Variants in REDIC1 observed in about 807,000 individuals in gnomAD.
REDIC1 encodes HEI10 Interacting Protein 1.
the REDIC1 span, among the ~76,000 whole-genome samples, chr12:39,878,400 T>C: frequency 6.6e-6 from 1 of 152,244 alleles, no homozygotes; most frequent in Non-Finnish European, 1.5e-5. Flanking sequence ...GATAGTGATA[T>C]GGACGGTGAA....
the REDIC1 span, among the ~76,000 whole-genome samples, chr12:39,762,499 T>A: frequency 6.7e-6 from 1 of 148,766 alleles, no homozygotes; most frequent in African/African-American, 2.5e-5. Flanking sequence ...GGCATATTGG[T>A]GATATAGCAA....
At chr12:39,699,643 G>A in the REDIC1 span, among the ~76,000 whole-genome samples, 1 of 151,264 alleles carries the variant, frequency 6.6e-6, no homozygotes, top group Non-Finnish European at 1.5e-5. Flanking sequence ...CCACCTCTGG[G>A]GGCAGGGCAC....
chr12:39,645,468 C>T, the REDIC1 span, among the ~76,000 whole-genome samples: 2 of 152,000 alleles, frequency 1.3e-5, no homozygotes, highest in African/African-American at 4.8e-5. Flanking sequence ...GATTCTTTTT[C>T]ACTTCAGTCA....
the REDIC1 span, chr12:39,643,858 G>C: frequency 1.3e-6 from 2 of 1,579,322 alleles, no homozygotes; most frequent in African/African-American, 1.4e-5. Context: ...TCTGCTGTCA[G>C]CTTAGACATT....
the REDIC1 span, chr12:39,682,805 A>G: frequency 2.5e-6 from 4 of 1,612,626 alleles, no homozygotes; most frequent in Non-Finnish European, 3.4e-6. Context: ...CTTCTATCAG[A>G]GAATTGTGAC....
chr12:39,669,828 A>G, the REDIC1 span, among the ~76,000 whole-genome samples: 1 of 152,134 alleles, frequency 6.6e-6, no homozygotes, highest in Non-Finnish European at 1.5e-5. Context: ...GTGAGGCTCC[A>G]TGGGTGTAGG....
chr12:39,838,132 A>G, the REDIC1 span, among the ~76,000 whole-genome samples: 1 of 147,882 alleles, frequency 6.8e-6, no homozygotes, highest in Non-Finnish European at 1.5e-5. Context: ...AAAATGTGGC[A>G]CATATACACC....
chr12:39,643,573 G>A, the REDIC1 span, among the ~76,000 whole-genome samples: 1 of 151,548 alleles, frequency 6.6e-6, no homozygotes, highest in Non-Finnish European at 1.5e-5. Context: ...TTATGCTTAA[G>A]GAAGATGATA....
chr12:39,745,254 C>A, the REDIC1 span, among the ~76,000 whole-genome samples: 1 of 152,156 alleles, frequency 6.6e-6, no homozygotes, highest in Non-Finnish European at 1.5e-5. Context: ...AATCCATAAC[C>A]AGTGACCCTG....
At chr12:39,760,093 A>G in the REDIC1 span, 1 of 1,612,978 alleles carries the variant, frequency 6.2e-7, no homozygotes, top group Non-Finnish European at 8.5e-7. Flanking sequence ...AATATATTCA[A>G]TATATCTCCC....
chr12:39,797,744 A>ACG, the REDIC1 span, among the ~76,000 whole-genome samples: 17 of 150,334 alleles, frequency 1.1e-4, 2 homozygotes, highest in African/African-American at 3.2e-4. Flanking sequence ...ACACACACAC[A>ACG]CACACACACA....
the REDIC1 span, among the ~76,000 whole-genome samples, chr12:39,849,813 T>C: frequency 6.6e-6 from 1 of 152,176 alleles, no homozygotes; most frequent in Non-Finnish European, 1.5e-5. Flanking sequence ...GTCATAAAAA[T>C]CCTACCTTAC....
chr12:39,647,779 T>G, the REDIC1 span: 3 of 1,450,328 alleles, frequency 2.1e-6, no homozygotes, highest in African/African-American at 4.4e-5. Flanking sequence ...TGATTTTATC[T>G]TCTTTCCTAT....
the REDIC1 span, among the ~76,000 whole-genome samples, chr12:39,839,466 T>A: frequency 6.6e-6 from 1 of 152,128 alleles, no homozygotes; most frequent in Non-Finnish European, 1.5e-5. Context: ...CTCTCCACTC[T>A]ATTAAAGCTG....
the REDIC1 span, among the ~76,000 whole-genome samples, chr12:39,842,935 G>C: frequency 2.6e-5 from 4 of 151,944 alleles, no homozygotes; most frequent in Admixed American, 2.6e-4. Context: ...TATAGCATTT[G>C]TCAGTAGTTC....
the REDIC1 span, among the ~76,000 whole-genome samples, chr12:39,862,094 C>T: frequency 6.6e-6 from 1 of 152,156 alleles, no homozygotes; most frequent in Non-Finnish European, 1.5e-5. Context: ...TCCCTATGTT[C>T]TCATTGTTCT....
the REDIC1 span, among the ~76,000 whole-genome samples, chr12:39,827,032 A>G: frequency 6.7e-6 from 1 of 150,296 alleles, no homozygotes; most frequent in African/African-American, 2.4e-5. Context: ...ACCGCAGTTA[A>G]CTTTTGCACC....
chr12:39,795,511 G>GT, the REDIC1 span, among the ~76,000 whole-genome samples: 3 of 152,096 alleles, frequency 2.0e-5, no homozygotes, highest in Non-Finnish European at 4.4e-5. Context: ...ATGACTGGGT[G>GT]TTTCACTGAT....
chr12:39,684,951 T>C, the REDIC1 span: 553 of 1,563,504 alleles, frequency 3.5e-4, 7 homozygotes, highest in South Asian at 4.4e-3. Flanking sequence ...TCACATTATC[T>C]TCTCAATTAA....
Sources: gnomAD v4.1 joint callset for allele counts (sites outside exome capture counted in the v4.1 genomes callset) on GRCh38, gnomAD v4.1.1 for gene constraint, MANE v1.5 for transcripts, NCBI Gene and HGNC (gene_info 2026-07-23, HGNC 2026-07-21) for gene names.